Variants in PCLO observed in about 807,000 individuals in gnomAD.
The protein encoded by PCLO is protein piccolo.
Under a neutral mutation model 427.5 loss-of-function variants are expected in PCLO, and 82 were observed. That is an observed-to-expected ratio of 0.19 (90% CI 0.16 to 0.23). The LOEUF (loss-of-function observed/expected upper bound fraction) is 0.23. Ranked by LOEUF, PCLO falls within the 10% of genes least tolerant of loss-of-function variation. PCLO has a pLI of 1.00. For synonymous variants in PCLO, 2,357 were observed against 2,155.4 expected, an observed-to-expected ratio of 1.09 and a Z score of -2.59; for missense variants, 6,239 against 6,115.9, an observed-to-expected ratio of 1.02 and a Z score of -0.67.
At chr7:83,094,443 G>A (rs190922712) in intron 3 of PCLO, among the ~76,000 whole-genome samples, 65 of 152,104 alleles carry the variant, frequency 4.3e-4, no homozygotes, top group Middle Eastern at 3.4e-3. Flanking sequence ...TCTTGACCTC[G>A]TGATCCGCCT....
chr7:83,092,393 C>T (rs114127567), intron 3 of PCLO, among the ~76,000 whole-genome samples: 66,560 of 151,512 alleles, frequency 0.44, 14,977 homozygotes, highest in East Asian at 0.7. Context: ...CCCATGGACC[C>T]GGCACAAATA....
chr7:82,947,569 G>A (rs1022243823), intron 6 of PCLO, among the ~76,000 whole-genome samples: 2 of 152,092 alleles, frequency 1.3e-5, no homozygotes, highest in African/African-American at 4.8e-5. Context: ...AACACTGCCT[G>A]TGTATAAAAT....
chr7:82,968,517 C>CTTTTTTTTTTTT (rs11324005), intron 3 of PCLO, among the ~76,000 whole-genome samples: 5 of 73,212 alleles, frequency 6.8e-5, no homozygotes, highest in African/African-American at 2.4e-4. Flanking sequence ...CAGAGTCTGA[C>CTTTTTTTTTTTT]TTTTTTTTTT....
At chr7:82,963,532 T>C (rs1184011369) in intron 4 of PCLO, among the ~76,000 whole-genome samples, 5 of 152,072 alleles carry the variant, frequency 3.3e-5, no homozygotes, top group Non-Finnish European at 7.4e-5. Context: ...ACTTTTTAAT[T>C]ATCTTTTTTT....
chr7:82,845,763 T>G (rs1296071468), intron 12 of PCLO, among the ~76,000 whole-genome samples: 1 of 152,176 alleles, frequency 6.6e-6, no homozygotes. Context: ...AAGAATTGTT[T>G]GAATGATGCA....
At position 82,973,018 on chromosome 7, in the gene PCLO, AT is replaced by A. The variant is rs540390903; in HGVS notation, c.3301-6532del. Among the ~76,000 whole-genome samples, 55 of 150,052 alleles carry A rather than the reference AT, an allele frequency of 3.7e-4. No homozygotes were observed. The South Asian group carries it at 5.3e-3, about 14-fold the overall frequency. ...TACAATTCAATGTGACATTCTGATA[AT>A]TTTTTTTTTAGTTATAAATTCATTC... is the stretch of plus-strand genomic sequence containing the variant. On this transcript the variant is annotated intron_variant, in intron 3 of 24. Transcript: ENST00000333891.
chr7:83,037,519 G>A (rs569167973), intron 3 of PCLO, among the ~76,000 whole-genome samples: 1 of 151,894 alleles, frequency 6.6e-6, no homozygotes, highest in African/African-American at 2.4e-5. Flanking sequence ...TTTTTCAGAT[G>A]GCTAGCTAGA....
At chr7:83,101,921 G>A (rs370949035) in intron 3 of PCLO, among the ~76,000 whole-genome samples, 2 of 152,122 alleles carry the variant, frequency 1.3e-5, no homozygotes, top group East Asian at 1.9e-4. Flanking sequence ...AGGAGATAAT[G>A]TCACTACTTC....
At position 82,974,787 on chromosome 7, in the gene PCLO, T is replaced by C. The variant is rs545593862; in HGVS notation, c.3301-8300A>G. On this transcript the variant is annotated intron_variant, in intron 3 of 24. Transcript: ENST00000333891. ...TTTGGTATATCTTTTTATTTTATTT[T>C]ATTTTTTTAGAGACAGAGTCTTGCT... 2.0e-5 allele frequency among the ~76,000 whole-genome samples: 3 copies of C among 152,248 alleles called. No individual in the cohort carries two copies. The South Asian group carries it at 6.2e-4, about 32-fold the overall frequency.
chr7:83,112,020 T>C (rs1202635492), intron 3 of PCLO, among the ~76,000 whole-genome samples: 1 of 148,038 alleles, frequency 6.8e-6, no homozygotes, highest in Non-Finnish European at 1.5e-5. Context: ...GTATTTTAAT[T>C]AGGAAATGTC....
chr7:83,016,032 T>C (rs1022370398), intron 3 of PCLO, among the ~76,000 whole-genome samples: 22 of 152,064 alleles, frequency 1.4e-4, no homozygotes, highest in Admixed American at 7.2e-4. Flanking sequence ...GCTCCTGAAT[T>C]GTTTTCATGA....
rs137856102 is a variant in PCLO, at chr7:82,850,101, C to T, written c.13655-2854G>A. 5.9e-4 allele frequency among the ~76,000 whole-genome samples: 90 copies of T among 152,134 alleles called. 1 individual carries two copies. The East Asian group carries it at 0.014, about 23-fold the overall frequency. Reference sequence around the variant, plus strand: ...TTGGCTCACTGCAACCTCTGCCAACCGGGTTCAAGTGATTCTCCTGCCTTA... The same window carrying T: ...TTGGCTCACTGCAACCTCTGCCAACTGGGTTCAAGTGATTCTCCTGCCTTA... On this transcript the variant is annotated intron_variant, in intron 10 of 24. Coordinates refer to ENST00000333891, the MANE Select transcript of PCLO (RefSeq NM_033026.6).
chr7:83,001,227 T>C (rs1787815917), intron 3 of PCLO, among the ~76,000 whole-genome samples: 1 of 151,986 alleles, frequency 6.6e-6, no homozygotes, highest in Non-Finnish European at 1.5e-5. Flanking sequence ...CTATGGTATG[T>C]CAGTGGAATG....
intron 1 of PCLO, among the ~76,000 whole-genome samples, chr7:83,159,379 AT>A (rs1450825197): frequency 1.3e-5 from 2 of 152,048 alleles, no homozygotes; most frequent in African/African-American, 2.4e-5. Context: ...TAATCAGAGA[AT>A]TTTTTTCAAT....
At chr7:82,957,676 C>T (rs1584220950) in intron 4 of PCLO, among the ~76,000 whole-genome samples, 2 of 152,122 alleles carry the variant, frequency 1.3e-5, no homozygotes, top group African/African-American at 4.8e-5. Context: ...GAGAAATATC[C>T]AGCTGTTATT....
At chr7:82,995,024 A>G (rs1796464537) in intron 3 of PCLO, among the ~76,000 whole-genome samples, 2 of 151,992 alleles carry the variant, frequency 1.3e-5, no homozygotes, top group African/African-American at 4.8e-5. Context: ...TGTAAAGGCA[A>G]TGTTTAGGCT....
chr7:83,083,443 T>C (rs1790154229), intron 3 of PCLO, among the ~76,000 whole-genome samples: 1 of 151,930 alleles, frequency 6.6e-6, no homozygotes, highest in African/African-American at 2.4e-5. Context: ...TTTTTGAGGG[T>C]TTCCTTTTAC....
intron 3 of PCLO, among the ~76,000 whole-genome samples, chr7:83,070,475 C>T (rs1257532634): frequency 6.6e-6 from 1 of 151,186 alleles, no homozygotes; most frequent in Non-Finnish European, 1.5e-5. Context: ...GCAAGCTCTG[C>T]CTCCCGGGTT....
chr7:82,930,241 A>T (rs1000188234), intron 6 of PCLO, among the ~76,000 whole-genome samples: 18 of 152,140 alleles, frequency 1.2e-4, no homozygotes, highest in African/African-American at 4.3e-4. Context: ...ACACAAGTAC[A>T]CGTATGTCCC....
Sources: gnomAD v4.1 joint callset for allele counts (sites outside exome capture counted in the v4.1 genomes callset) on GRCh38, gnomAD v4.1.1 for gene constraint, MANE v1.5 for transcripts, NCBI Gene and HGNC (gene_info 2026-07-23, HGNC 2026-07-21) for gene names.